FARP2: variants seen among roughly 807,000 people sequenced by gnomAD.
The protein encoded by FARP2 is FERM, ARHGEF and pleckstrin domain-containing protein 2.
A neutral mutation model predicts 130.5 loss-of-function variants in FARP2; 111 were observed. The ratio of observed to expected loss-of-function variants is 0.85; its 90% confidence interval spans 0.73 to 1.00. The LOEUF is 1.00. Ranked by LOEUF, FARP2 falls within the 50% of genes least tolerant of loss-of-function variation. The pLI, the probability that FARP2 is intolerant of heterozygous loss-of-function variation, is 0.00. For missense variants in FARP2, 1,385 were observed against 1,346.3 expected, an observed-to-expected ratio of 1.03 and a Z score of -0.45; for synonymous variants, 504 against 516.9, an observed-to-expected ratio of 0.98 and a Z score of 0.34.
intron 4 of FARP2, among the ~76,000 whole-genome samples, 199 bp from the exon 5 acceptor site, chr2:241,407,338 C>G (rs902392263): frequency 6.6e-6 from 1 of 152,130 alleles, no homozygotes; most frequent in Admixed American, 6.6e-5. Flanking sequence ...GCCATCCTTT[C>G]ACCTCAGCCT....
chr2:241,465,234 C>T (rs1401174424), intron 17 of FARP2, among the ~76,000 whole-genome samples: 1 of 152,108 alleles, frequency 6.6e-6, no homozygotes, highest in Non-Finnish European at 1.5e-5. Flanking sequence ...ACATTGTCCT[C>T]CTCAATGGGT....
chr2:241,363,291 G>A (rs1458809006), intron 1 of FARP2, among the ~76,000 whole-genome samples: 1 of 152,256 alleles, frequency 6.6e-6, no homozygotes, highest in Non-Finnish European at 1.5e-5. Context: ...CCCTGCAGTG[G>A]CAGGAGTGTG....
intron 2 of FARP2, among the ~76,000 whole-genome samples, chr2:241,393,496 C>A (rs2061958665): frequency 6.6e-6 from 1 of 152,078 alleles, no homozygotes; most frequent in Non-Finnish European, 1.5e-5. Flanking sequence ...AGATTATTTT[C>A]ATTGTACAGT....
At chr2:241,403,141 G>A (rs1340010794) in intron 2 of FARP2, among the ~76,000 whole-genome samples, 1 of 150,922 alleles carries the variant, frequency 6.6e-6, no homozygotes, top group Non-Finnish European at 1.5e-5. Flanking sequence ...TGTAATTTCC[G>A]ATTGACCAAA....
At chr2:241,356,626 G>T (rs1388643535) in intron 1 of FARP2, among the ~76,000 whole-genome samples, 3 of 152,216 alleles carry the variant, frequency 2.0e-5, no homozygotes, top group African/African-American at 7.2e-5. Flanking sequence ...CAGGCGGGGC[G>T]GTGGGCCGGG....
intron 1 of FARP2, among the ~76,000 whole-genome samples, chr2:241,372,309 G>A (rs1485946350): frequency 6.6e-6 from 1 of 152,076 alleles, no homozygotes; most frequent in Non-Finnish European, 1.5e-5. Flanking sequence ...CTGACCAGGG[G>A]CAGGTGCCTC....
intron 18 of FARP2, among the ~76,000 whole-genome samples, chr2:241,474,375 C>G (rs1225356391): frequency 2.3e-5 from 3 of 133,304 alleles, no homozygotes; most frequent in African/African-American, 8.2e-5. Context: ...AGTCAGGTGA[C>G]TTCATGCTAA....
chr2:241,387,197 A>G (rs1415968028), intron 2 of FARP2: 1 of 152,204 alleles, frequency 6.6e-6, no homozygotes, highest in Non-Finnish European at 1.5e-5. Flanking sequence ...AGGGACAGAG[A>G]TGTTTTTGAA....
chr2:241,445,608 A>G (rs1162981268), intron 13 of FARP2: 2 of 152,256 alleles, frequency 1.3e-5, no homozygotes, highest in Non-Finnish European at 2.9e-5. Flanking sequence ...CTCTTCTTCA[A>G]GCCAGTGTTG....
intron 8 of FARP2, among the ~76,000 whole-genome samples, chr2:241,425,737 CTCTCT>C (rs1426905518): frequency 1.7e-5 from 2 of 119,568 alleles, no homozygotes; most frequent in African/African-American, 3.1e-5. Flanking sequence ...ATTTCTCTCT[CTCTCT>C]TTTTTTTTTT....
chr2:241,447,514 G>A (rs1368779042), intron 13 of FARP2, among the ~76,000 whole-genome samples: 2 of 152,192 alleles, frequency 1.3e-5, no homozygotes, highest in African/African-American at 2.4e-5. Flanking sequence ...TTGTGTCCTT[G>A]CACTTTTACC....
intron 5 of FARP2, among the ~76,000 whole-genome samples, chr2:241,409,932 G>A (rs563567993): frequency 1.3e-5 from 2 of 152,266 alleles, no homozygotes; most frequent in East Asian, 3.9e-4. Flanking sequence ...GTCTAGGAAA[G>A]TTTGTAGAAA....
At chr2:241,365,796 G>T (rs2061290280) in intron 1 of FARP2, among the ~76,000 whole-genome samples, 1 of 151,554 alleles carries the variant, frequency 6.6e-6, no homozygotes, top group Non-Finnish European at 1.5e-5. Context: ...ATTTCGTTTG[G>T]GTTTTTAGGA....
At position 241,491,517 on chromosome 2, in the gene FARP2, A is replaced by G. The variant is rs1559817506; in HGVS notation, c.2625A>G (p.Arg875=). The change falls in exon 24 of 27, where the codon AGA becomes AGG. Residue 875 remains arginine (R), a splice_region_variant and synonymous_variant. Transcript: ENST00000264042. ...PGRTVCTRPP[R]SPNEVSLEQE... ...GAGACGCTGCTGACTTCTCCCCAGG[A>G]TCCCCCAACGAGGTATCTCTGGAGC... The G allele has an allele frequency of 6.2e-7, 1 of 1,613,290 alleles. No homozygotes were observed. The highest frequency in any genetic ancestry group is 1.7e-5 in the Admixed American group (1 of 60,002).
intron 23 of FARP2, 129 bp from the exon 24 acceptor site, chr2:241,491,387 C>A: frequency 9.4e-7 from 1 of 1,060,814 alleles, no homozygotes; most frequent in Non-Finnish European, 1.4e-6. Flanking sequence ...TGCTCTCAGC[C>A]AGCAGCTGGC....
intron 2 of FARP2, among the ~76,000 whole-genome samples, chr2:241,379,603 C>T (rs1294261576): frequency 6.6e-6 from 1 of 152,160 alleles, no homozygotes; most frequent in African/African-American, 2.4e-5. Flanking sequence ...CTTGCTATTC[C>T]AGTAAAAACT....
At position 241,413,378 on chromosome 2, in the gene FARP2, C is replaced by G. The variant is rs1430651687; in HGVS notation, c.580C>G (p.Gln194Glu). 1 of 1,612,218 alleles carries G rather than the reference C, an allele frequency of 6.2e-7. No individual in the cohort carries two copies. The highest frequency in any genetic ancestry group is 1.3e-5 in the African/African-American group (1 of 74,930). ...LKVNEYLPGQ[Q>E]HCLEKILEFH... ...AGTGAACGAGTATTTGCCTGGCCAGCAGCACTGCCTTGAGAAGATACTAGA... is the reference window on the plus strand; with the variant it reads ...AGTGAACGAGTATTTGCCTGGCCAGGAGCACTGCCTTGAGAAGATACTAGA... Residue 194 changes from glutamine (Q) to glutamate (E), a missense_variant, in exon 7 of 27, where the codon CAG (glutamine) becomes GAG (glutamate). Physicochemically the swap from Gln to Glu is conservative, Grantham distance 29. Coordinates refer to ENST00000264042, the MANE Select transcript of FARP2 (RefSeq NM_014808.4).
At chr2:241,486,861 A>G (rs2064765619) in intron 21 of FARP2, among the ~76,000 whole-genome samples, 1 of 152,160 alleles carries the variant, frequency 6.6e-6, no homozygotes, top group Admixed American at 6.5e-5. Context: ...CTAGGTCTAA[A>G]CATGCATCTT....
intron 1 of FARP2, among the ~76,000 whole-genome samples, chr2:241,362,314 T>C (rs1394385202): frequency 2.0e-5 from 3 of 152,044 alleles, no homozygotes; most frequent in African/African-American, 7.2e-5. Context: ...TTTAAAAATA[T>C]TAATTTTGGC....
Sources: allele counts gnomAD v4.1 joint callset (sites outside exome capture counted in the v4.1 genomes callset), GRCh38; gene constraint gnomAD v4.1.1; transcripts MANE v1.5; gene names NCBI Gene and HGNC (gene_info 2026-07-23, HGNC 2026-07-21).